The following EPHA6 variants were observed in gnomAD, a reference collection of about 807,000 sequenced individuals.
EPHA6 encodes the protein EPH receptor A6, also known as ephrin type-A receptor 6.
EPHA6 carries 50 observed loss-of-function variants against 112.0 expected under a neutral mutation model. That is an observed-to-expected ratio of 0.45 (90% CI 0.36 to 0.56). The LOEUF (loss-of-function observed/expected upper bound fraction) is 0.56, where lower values mean the gene tolerates loss of function less well. Among genes scored for constraint, EPHA6 ranks in the 20% least tolerant of loss-of-function variants. EPHA6 has a pLI of 0.00. For synonymous variants in EPHA6, 529 were observed against 490.7 expected (o/e 1.08, Z -1.03); for missense variants, 1,280 against 1,417.4 (o/e 0.90, Z 1.56).
intron 14 of EPHA6, among the ~76,000 whole-genome samples, chr3:97,663,809 C>T (rs1246429005): frequency 2.0e-5 from 3 of 152,088 alleles, no homozygotes; most frequent in Non-Finnish European, 4.4e-5. Flanking sequence ...GTGTATGTGT[C>T]TTTATAGCAG....
intron 6 of EPHA6, among the ~76,000 whole-genome samples, chr3:97,422,244 G>A (rs1448918366): frequency 6.6e-6 from 1 of 150,454 alleles, no homozygotes; most frequent in African/African-American, 2.4e-5. Context: ...AATTAGTAAA[G>A]GAGTAGTATC....
At chr3:97,558,966 G>A (rs897925255) in intron 11 of EPHA6, among the ~76,000 whole-genome samples, 1 of 151,958 alleles carries the variant, frequency 6.6e-6, no homozygotes, top group Admixed American at 6.6e-5. Flanking sequence ...TGCCAGTAAA[G>A]TAACCAATAT....
intron 3 of EPHA6, among the ~76,000 whole-genome samples, chr3:97,185,714 T>C (rs928018504): frequency 6.6e-6 from 1 of 152,090 alleles, no homozygotes; most frequent in Non-Finnish European, 1.5e-5. Flanking sequence ...CATTACTGGG[T>C]ATATACCCAA....
chr3:96,842,093 C>T (rs2034787418), intron 1 of EPHA6, among the ~76,000 whole-genome samples: 1 of 152,030 alleles, frequency 6.6e-6, no homozygotes, highest in Non-Finnish European at 1.5e-5. Context: ...GAGAGGCAGC[C>T]TCCCATCCAT....
chr3:97,042,822 A>G (rs1206617895), intron 3 of EPHA6, among the ~76,000 whole-genome samples: 3 of 152,130 alleles, frequency 2.0e-5, no homozygotes, highest in Non-Finnish European at 2.9e-5. Context: ...ATGTATAAAC[A>G]GTTCAAAATA....
At chr3:97,472,581 C>T (rs2100672) in intron 7 of EPHA6, among the ~76,000 whole-genome samples, 28,609 of 151,442 alleles carry the variant, frequency 0.19, 4,045 homozygotes, top group African/African-American at 0.38. Flanking sequence ...CTGTGATGGA[C>T]CAACACTAAT....
chr3:97,311,354 G>C (rs960221689), intron 5 of EPHA6, among the ~76,000 whole-genome samples: 7 of 151,130 alleles, frequency 4.6e-5, no homozygotes, highest in Admixed American at 2.0e-4. Flanking sequence ...AGCTCTAGCT[G>C]TTGTCTCTGG....
At chr3:97,463,090 A>G (rs1321912620) in intron 7 of EPHA6, among the ~76,000 whole-genome samples, 1 of 152,198 alleles carries the variant, frequency 6.6e-6, no homozygotes, top group Non-Finnish European at 1.5e-5. Flanking sequence ...TTAAACAAAA[A>G]AAGATGAATT....
intron 5 of EPHA6, among the ~76,000 whole-genome samples, chr3:97,373,009 C>T (rs1315514035): frequency 6.6e-6 from 1 of 152,020 alleles, no homozygotes; most frequent in African/African-American, 2.4e-5. Flanking sequence ...TATGGATGTC[C>T]ATTACATTAT....
intron 14 of EPHA6, among the ~76,000 whole-genome samples, chr3:97,701,353 GGCTGAATGTTCCA>G (rs2033376996): frequency 6.6e-6 from 1 of 152,074 alleles, no homozygotes; most frequent in African/African-American, 2.4e-5. Flanking sequence ...GCTCAGTATT[GGCTGAATGTTCCA>G]TCTTGGGAGG....
At chr3:97,506,254 G>C (rs1309147597) in intron 10 of EPHA6, among the ~76,000 whole-genome samples, 1 of 152,100 alleles carries the variant, frequency 6.6e-6, no homozygotes, top group African/African-American at 2.4e-5. Context: ...TGAAGTCTTT[G>C]TGCATGCCCA....
intron 14 of EPHA6, among the ~76,000 whole-genome samples, chr3:97,696,915 G>A (rs548967346): frequency 3.3e-5 from 5 of 152,170 alleles, no homozygotes; most frequent in African/African-American, 7.2e-5. Context: ...GGCTCTTTGC[G>A]ATACATAATT....
chr3:97,034,518 C>G (rs2108029832), intron 3 of EPHA6, among the ~76,000 whole-genome samples: 1 of 151,992 alleles, frequency 6.6e-6, no homozygotes, highest in Middle Eastern at 3.4e-3. Flanking sequence ...TCTCTATTGA[C>G]AAATGTGTTC....
At chr3:96,890,462 A>C (rs2037889301) in intron 2 of EPHA6, among the ~76,000 whole-genome samples, 1 of 152,216 alleles carries the variant, frequency 6.6e-6, no homozygotes, top group South Asian at 2.1e-4. Flanking sequence ...AGAAGGATTG[A>C]TAGATATGTT....
At position 97,570,458 on chromosome 3, in the gene EPHA6, G is replaced by A. The variant is rs1377659707; in HGVS notation, c.2387-22154G>A. On this transcript the variant is annotated intron_variant, in intron 11 of 17. Coordinates refer to ENST00000389672, the MANE Select transcript of EPHA6 (RefSeq NM_001080448.3). ...TTTAAAAATTACTATGGGGCTGGGC[G>A]CGGTGGCTCACGCCTGTAATCCCAG... Among the ~76,000 whole-genome samples the A allele has an allele frequency of 3.9e-5, 6 of 152,290 alleles. No homozygotes were observed. In the South Asian group the frequency reaches 8.3e-4, roughly 21 times the overall value.
intron 2 of EPHA6, among the ~76,000 whole-genome samples, chr3:96,968,454 A>G (rs184288957): frequency 2.2e-4 from 34 of 151,838 alleles, no homozygotes; most frequent in African/African-American, 7.7e-4. Flanking sequence ...AAAATATTTC[A>G]TAAATATTTT....
Position 97,065,523 on chromosome 3 carries a change from A to G in EPHA6, c.1114+77530A>G, listed in dbSNP as rs543679046. Among the ~76,000 whole-genome samples, 52 of 152,220 alleles carry G rather than the reference A, an allele frequency of 3.4e-4. No homozygotes were observed. The South Asian group carries it at 9.5e-3, about 28-fold the overall frequency. On this transcript the variant is annotated intron_variant, in intron 3 of 17. Coordinates refer to ENST00000389672, the MANE Select transcript of EPHA6 (RefSeq NM_001080448.3). ...GGGTTTGTGCAATGTTTACTCTACAATTCAACTCATTGCATATCCATTGTT... is the reference window on the plus strand; with the variant it reads ...GGGTTTGTGCAATGTTTACTCTACAGTTCAACTCATTGCATATCCATTGTT...
At position 97,503,470 on chromosome 3, in the gene EPHA6, A is replaced by G. The variant is rs1449494890; in HGVS notation, c.2200+19411A>G. On this transcript the variant is annotated intron_variant, in intron 10 of 17. Coordinates refer to ENST00000389672, the MANE Select transcript of EPHA6 (RefSeq NM_001080448.3). ...AGCCTCTTTTTCTGCTCAGTTAGGA[A>G]CTAGTCCTTTCCTTCTACCCTGCAC... Among the ~76,000 whole-genome samples, 4 of 152,204 alleles carry G rather than the reference A, an allele frequency of 2.6e-5. No individual in the cohort carries two copies. The East Asian group carries it at 7.7e-4, about 29-fold the overall frequency.
chr3:97,022,148 C>G (rs1432912618), intron 3 of EPHA6, among the ~76,000 whole-genome samples: 1 of 152,142 alleles, frequency 6.6e-6, no homozygotes, highest in East Asian at 1.9e-4. Flanking sequence ...CAAAGGTAGA[C>G]ACCTGAGCTT....
Sources: allele counts gnomAD v4.1 joint callset (sites outside exome capture counted in the v4.1 genomes callset), GRCh38; gene constraint gnomAD v4.1.1; transcripts MANE v1.5; gene names NCBI Gene and HGNC (gene_info 2026-07-23, HGNC 2026-07-21).